PCDH11Y: variants seen among roughly 807,000 people sequenced by gnomAD.
PCDH11Y encodes protocadherin 11 Y-linked, also known as protocadherin-11 Y-linked.
For synonymous variants in PCDH11Y, 9 were observed against 83.6 expected (o/e 0.11, Z 4.87); for missense variants, 12 against 224.8 (o/e 0.05, Z 6.05).
chrY:5,574,341 C>T, intron 3 of PCDH11Y: 1 of 343,595 alleles, frequency 2.9e-6, no homozygotes, highest in East Asian at 9.5e-5. Flanking sequence ...GCAGCAACTC[C>T]ATGCAAACCA....
At chrY:5,667,108 C>CTATATA (rs58527993) in intron 4 of PCDH11Y, among the ~76,000 whole-genome samples, 23 of 22,796 alleles carry the variant, frequency 1.0e-3, no homozygotes, top group African/African-American at 6.5e-4. Context: ...GCCATCATGG[C>CTATATA]TATATATATA....
chrY:5,637,272 T>C, intron 4 of PCDH11Y, among the ~76,000 whole-genome samples: 5 of 33,862 alleles, frequency 1.5e-4, no homozygotes, highest in African/African-American at 5.8e-4. Context: ...AACCAGTATG[T>C]AAAAACTATC....
At chrY:5,478,234 G>A (rs1602931341) in intron 2 of PCDH11Y, among the ~76,000 whole-genome samples, 1 of 35,102 alleles carries the variant, frequency 2.8e-5, no homozygotes, top group African/African-American at 1.1e-4. Context: ...GTTCTCATTG[G>A]TTTCAAAGAA....
intron 2 of PCDH11Y, among the ~76,000 whole-genome samples, chrY:5,320,111 T>A: frequency 6.0e-5 from 2 of 33,164 alleles, no homozygotes; most frequent in East Asian, 1.6e-3. Context: ...AGAAGTAACC[T>A]CCTTTTGATG....
intron 3 of PCDH11Y, among the ~76,000 whole-genome samples, chrY:5,511,671 T>C (rs1329531212): frequency 2.5e-3 from 83 of 32,979 alleles, no homozygotes; most frequent in Non-Finnish European, 3.9e-3. Context: ...GGAATTTCAC[T>C]GCACAAGGGA....
intron 2 of PCDH11Y, among the ~76,000 whole-genome samples, chrY:5,290,662 G>A (rs2053066463): frequency 3.8e-5 from 1 of 26,200 alleles, no homozygotes; most frequent in Non-Finnish European, 8.8e-5. Context: ...TTCTGACTAC[G>A]AATATCCAGT....
intron 4 of PCDH11Y, among the ~76,000 whole-genome samples, chrY:5,594,906 A>T: frequency 3.0e-5 from 1 of 33,106 alleles, no homozygotes; most frequent in Non-Finnish European, 7.5e-5. Flanking sequence ...AGACGCTCCC[A>T]CACCAAACCC....
chrY:5,147,535 T>G (rs2052858552), intron 2 of PCDH11Y, among the ~76,000 whole-genome samples: 1 of 30,274 alleles, frequency 3.3e-5, no homozygotes. Context: ...TAAAATAAAA[T>G]TTGAAATTAT....
At chrY:5,597,106 G>C in intron 4 of PCDH11Y, among the ~76,000 whole-genome samples, 3 of 30,083 alleles carry the variant, frequency 1.0e-4, no homozygotes, top group Non-Finnish European at 2.4e-4. Context: ...CCCACTACTG[G>C]ATATCTACCC....
chrY:5,366,344 G>T (rs2053179991), intron 2 of PCDH11Y, among the ~76,000 whole-genome samples: 1 of 33,147 alleles, frequency 3.0e-5, no homozygotes, highest in East Asian at 7.8e-4. Context: ...AAGTTAAATG[G>T]CAGAAATAGG....
chrY:5,136,682 G>A, intron 2 of PCDH11Y, among the ~76,000 whole-genome samples: 1 of 33,039 alleles, frequency 3.0e-5, no homozygotes. Flanking sequence ...AATGCAAAAT[G>A]TAGTGGAAAC....
At chrY:5,244,630 G>C in intron 2 of PCDH11Y, among the ~76,000 whole-genome samples, 2 of 34,052 alleles carry the variant, frequency 5.9e-5, no homozygotes, top group Admixed American at 5.3e-4. Context: ...CCATGAACCA[G>C]AAGATTCCAC....
chrY:5,033,028 G>A, intron 3 of PCDH11Y, among the ~76,000 whole-genome samples: 1 of 32,513 alleles, frequency 3.1e-5, no homozygotes, highest in Non-Finnish European at 7.6e-5. Flanking sequence ...TCCGTGGATT[G>A]ACAATTTCTA....
intron 2 of PCDH11Y, among the ~76,000 whole-genome samples, chrY:5,317,143 G>A: frequency 9.2e-5 from 3 of 32,675 alleles, no homozygotes; most frequent in East Asian, 8.2e-4. Flanking sequence ...AAGACAACTC[G>A]AAGCAAAAGC....
At chrY:5,560,045 A>T in intron 3 of PCDH11Y, among the ~76,000 whole-genome samples, 1 of 33,185 alleles carries the variant, frequency 3.0e-5, no homozygotes, top group East Asian at 8.2e-4. Context: ...AGCAATATGC[A>T]CAATAAAGTC....
intron 4 of PCDH11Y, among the ~76,000 whole-genome samples, chrY:5,636,331 G>A (rs1602954904): frequency 6.0e-5 from 2 of 33,259 alleles, no homozygotes; most frequent in East Asian, 1.6e-3. Context: ...TGAATGATTC[G>A]AACCTTCCCT....
chrY:5,017,054 C>T, intron 1 of PCDH11Y, among the ~76,000 whole-genome samples: 1 of 33,374 alleles, frequency 3.0e-5, no homozygotes, highest in Admixed American at 2.7e-4. Context: ...TCATGCTGTT[C>T]TCAAAACATA....
chrY:5,374,411 A>ATG (rs374854005), intron 2 of PCDH11Y, among the ~76,000 whole-genome samples: 172 of 25,837 alleles, frequency 6.7e-3, no homozygotes, highest in Admixed American at 0.016. Flanking sequence ...CTCTCTCTCT[A>ATG]TGTGTGTGTG....
chrY:5,233,016 G>A, intron 2 of PCDH11Y, among the ~76,000 whole-genome samples: 1 of 32,445 alleles, frequency 3.1e-5, no homozygotes, highest in Non-Finnish European at 7.5e-5. Flanking sequence ...TCTCTCCTTC[G>A]GTGTCCAGAG....
Sources: allele counts gnomAD v4.1 joint callset (sites outside exome capture counted in the v4.1 genomes callset), GRCh38; gene constraint gnomAD v4.1.1; transcripts MANE v1.5; gene names NCBI Gene and HGNC (gene_info 2026-07-23, HGNC 2026-07-21).